The following ANKRD1 variants were observed in gnomAD, a reference collection of about 807,000 sequenced individuals.
ANKRD1 encodes the protein ankyrin repeat domain 1.
ANKRD1 carries 32 observed loss-of-function variants against 40.1 expected under a neutral mutation model. That is an observed-to-expected ratio of 0.80 (90% CI 0.60 to 1.07). ANKRD1 has a LOEUF of 1.07. Among genes scored for constraint, ANKRD1 ranks in the 50% least tolerant of loss-of-function variants. ANKRD1 has a pLI of 0.00. For synonymous variants in ANKRD1, 149 were observed against 141.2 expected, an observed-to-expected ratio of 1.06 and a Z score of -0.39; for missense variants, 359 against 386.0, an observed-to-expected ratio of 0.93 and a Z score of 0.59.
intron 2 of ANKRD1, 126 bp downstream of exon 2, chr10:90,920,043 C>T (rs922400938): frequency 3.9e-5 from 53 of 1,360,690 alleles, no homozygotes; most frequent in Non-Finnish European, 4.7e-5. Context: ...TGCCTCTTTA[C>T]GGGTTAGAAT....
intron 8 of ANKRD1, among the ~76,000 whole-genome samples, chr10:90,914,922 A>G (rs1420641254): frequency 6.6e-6 from 1 of 152,230 alleles, no homozygotes; most frequent in Non-Finnish European, 1.5e-5. Flanking sequence ...TACTTATACA[A>G]GAATTTTCAG....
chr10:90,916,088 G>T, intron 6 of ANKRD1, 83 bp downstream of exon 6: 2 of 726,766 alleles, frequency 2.8e-6, no homozygotes, highest in Admixed American at 2.4e-5. Context: ...GGAGGGGGAG[G>T]GGGAAGAGTG....
intron 6 of ANKRD1, 82 bp downstream of exon 6, chr10:90,916,089 G>T: frequency 1.4e-6 from 1 of 716,002 alleles, no homozygotes; most frequent in South Asian, 1.5e-5. Flanking sequence ...GAGGGGGAGG[G>T]GGAAGAGTGG....
chr10:90,918,924 T>C lies in ANKRD1; in HGVS notation c.394A>G (p.Lys132Glu). The change falls in exon 4 of 9, where the codon AAA (lysine) becomes GAA (glutamate). Residue 132 changes from lysine (K) to glutamate (E), a missense_variant. Physicochemically the swap from Lys to Glu is moderately conservative, Grantham distance 56. Coordinates refer to ENST00000371697, the MANE Select transcript of ANKRD1 (RefSeq NM_014391.3). ...AAGAATTTTTCTACTACTGGCAGTTTATTCTCCAGAGCAGCCTTCAGAAAC... is the reference window on the plus strand; with the variant it reads ...AAGAATTTTTCTACTACTGGCAGTTCATTCTCCAGAGCAGCCTTCAGAAAC... Reference protein sequence around the residue: ...PTFLKAALENKLPVVEKFLSD... With the variant: ...PTFLKAALENELPVVEKFLSD... The C allele has an allele frequency of 6.2e-7, 1 of 1,611,474 alleles. No homozygotes were observed. The highest frequency in any genetic ancestry group is 8.5e-7 in the Non-Finnish European group (1 of 1,179,578).
chr10:90,918,291 A>G (rs189452889), intron 4 of ANKRD1, among the ~76,000 whole-genome samples: 1 of 152,324 alleles, frequency 6.6e-6, no homozygotes, highest in East Asian at 1.9e-4. Context: ...CATGGGGGAA[A>G]GAATACAAAA....
In ANKRD1 at chr10:90,915,894, A is replaced by C. The variant is rs764243789; in HGVS notation, c.652-14T>G. The C allele has an allele frequency of 6.4e-7, 1 of 1,563,456 alleles. No individual in the cohort carries two copies. Among genetic ancestry groups the C allele is most frequent in the Non-Finnish European group, 8.6e-7 (1 of 1,158,948 alleles). ...TGTGCTGAGCAACTGGAAAATTGGA[A>C]AACGCTGCTGATTCGCTAGGAATGA... On this transcript the variant is annotated splice_polypyrimidine_tract_variant and intron_variant, in intron 6 of 8. Coordinates refer to ENST00000371697, the MANE Select transcript of ANKRD1 (RefSeq NM_014391.3).
chr10:90,918,889 C>G lies in ANKRD1; in HGVS notation c.429G>C (p.Lys143Asn). 1 of 1,612,060 alleles carries G rather than the reference C, an allele frequency of 6.2e-7. No individual in the cohort carries two copies. The highest frequency in any genetic ancestry group is 8.5e-7 in the Non-Finnish European group (1 of 1,179,564). The stretch of plus-strand genomic sequence containing the variant: ...CCTCATCACAAACATCTGGATTGTT[C>G]TTGTCTGACAAGAATTTTTCTACTA... ...LPVVEKFLSDKNNPDVCDEYK... is the reference protein window; with the variant it reads ...LPVVEKFLSDNNNPDVCDEYK... Residue 143 changes from lysine (K) to asparagine (N), a missense_variant, in exon 4 of 9, where the codon AAG becomes AAC. Lys to Asn is a moderately conservative substitution (Grantham distance 94, BLOSUM62 0). Coordinates refer to ENST00000371697, the MANE Select transcript of ANKRD1 (RefSeq NM_014391.3).
At chr10:90,916,363 G>A in intron 5 of ANKRD1, 94 bp from the exon 6 acceptor site, 1 of 895,918 alleles carries the variant, frequency 1.1e-6, no homozygotes. Context: ...ATAATGAGTT[G>A]TCCCCATCTA....
In ANKRD1 at chr10:90,920,992, C is replaced by T. The variant is rs1289838055; in HGVS notation, c.27+9G>A. On this transcript the variant is annotated intron_variant, in intron 1 of 8. Transcript: ENST00000371697. ...TTTTCATTTTATAAAATTAATGCAT[C>T]TTACATACCAGTTCCTCTACTTTCA... 1 of 1,613,334 alleles carries T rather than the reference C, an allele frequency of 6.2e-7. No homozygotes were observed. The highest frequency in any genetic ancestry group is 2.2e-5 in the East Asian group (1 of 44,876).
At chr10:90,915,670 G>A (rs755557528) in intron 7 of ANKRD1, 29 bp from the exon 8 acceptor site, 28 of 1,610,580 alleles carry the variant, frequency 1.7e-5, no homozygotes, top group Non-Finnish European at 2.4e-5. Flanking sequence ...CAGGTTCAAG[G>A]TGGGTCTGAG....
At chr10:90,920,089 C>A in intron 2 of ANKRD1, 80 bp downstream of exon 2, 1 of 1,538,346 alleles carries the variant, frequency 6.5e-7, no homozygotes, top group Non-Finnish European at 9.0e-7. Context: ...GGGTTTGTTT[C>A]TCTCTTCTCC....
chr10:90,917,171 A>G (rs895338396), intron 5 of ANKRD1, among the ~76,000 whole-genome samples: 1 of 152,212 alleles, frequency 6.6e-6, no homozygotes, highest in African/African-American at 2.4e-5. Flanking sequence ...TTAAATACAT[A>G]AAGAATTTTC....
chr10:90,912,632 G>A lies in ANKRD1; in HGVS notation c.*234C>T. ...ACCAGATGGATGATCATGAAGGTCT[G>A]AATATCAGTAGCGTGGCAGTAAATA... On this transcript the variant is annotated 3_prime_UTR_variant, in exon 9 of 9. Coordinates refer to ENST00000371697, the MANE Select transcript of ANKRD1 (RefSeq NM_014391.3). 1 of 454,774 alleles carries A rather than the reference G, an allele frequency of 2.2e-6. No homozygotes were observed. Among genetic ancestry groups the A allele is most frequent in the Non-Finnish European group, 4.1e-6 (1 of 246,830 alleles). The allele number at this position is 454,774 out of a possible 1,614,324, so 28.2% of individuals were successfully genotyped here. A position where few individuals can be genotyped will look rare whatever the true frequency, so the allele number is the denominator to read the frequency against.
At chr10:90,920,638 C>A (rs1353552594) in intron 1 of ANKRD1, among the ~76,000 whole-genome samples, 2 of 152,194 alleles carry the variant, frequency 1.3e-5, no homozygotes, top group Non-Finnish European at 2.9e-5. Context: ...AAAACCTTCT[C>A]TGCTTAATTA....
In ANKRD1 at chr10:90,918,980, CAA is replaced by C. The variant is rs1491333373; in HGVS notation, c.346-10_346-9del. 55 of 1,304,944 alleles carry C rather than the reference CAA, an allele frequency of 4.2e-5. No individual in the cohort carries two copies. The highest frequency in any genetic ancestry group is 3.9e-4 in the Middle Eastern group (2 of 5,138). The allele number at this position is 1,304,944 out of a possible 1,614,324, so 80.8% of individuals were successfully genotyped here. ...CACATCCACAGGTTCCGTCTAAAGC[CAA>C]AATAAATAAATATATATATATATAT... On this transcript the variant is annotated splice_polypyrimidine_tract_variant and intron_variant, in intron 3 of 8. Coordinates refer to ENST00000371697, the MANE Select transcript of ANKRD1 (RefSeq NM_014391.3).
chr10:90,916,484 A>G (rs1048724408), intron 5 of ANKRD1, among the ~76,000 whole-genome samples: 1 of 152,110 alleles, frequency 6.6e-6, no homozygotes, highest in African/African-American at 2.4e-5. Flanking sequence ...CTCTTAATAA[A>G]TCTAATAATG....
At position 90,920,201 on chromosome 10, in the gene ANKRD1, G is replaced by C. The variant is rs1057521825; in HGVS notation, c.175C>G (p.Gln59Glu). 3.1e-6 allele frequency: 5 copies of C among 1,613,832 alleles called. No individual in the cohort carries two copies. The African/African-American group carries it at 6.7e-5, about 22-fold the overall frequency. Residue 59 changes from glutamine to glutamate, a missense_variant, in exon 2 of 9, where the codon CAG (glutamine) becomes GAG (glutamate). Gln to Glu is a conservative substitution (Grantham distance 29). Coordinates refer to ENST00000371697, the MANE Select transcript of ANKRD1 (RefSeq NM_014391.3). Reference sequence around the variant, plus strand: ...TCTCGTTGTTTCTCGCTTTTCCACTGTTGCTCCCCCAGGGTCACAGGGTGG... The same window carrying C: ...TCTCGTTGTTTCTCGCTTTTCCACTCTTGCTCCCCCAGGGTCACAGGGTGG... The part of the protein sequence containing the change: ...LAHPVTLGEQ[Q>E]WKSEKQREAE...
chr10:90,918,981 AAAATAAATAAAT>A lies in ANKRD1; in HGVS notation c.346-21_346-10del. 2 of 1,310,976 alleles carry A rather than the reference AAAATAAATAAAT, an allele frequency of 1.5e-6. No homozygotes were observed. The highest frequency in any genetic ancestry group is 2.2e-5 in the African/African-American group (1 of 45,364). The allele number at this position is 1,310,976 out of a possible 1,614,324, so 81.2% of individuals were successfully genotyped here. ...ACATCCACAGGTTCCGTCTAAAGCCAAAATAAATAAATATATATATATATATATATATATAGC... is the reference window on the plus strand; with the variant it reads ...ACATCCACAGGTTCCGTCTAAAGCCAATATATATATATATATATATATAGC... On this transcript the variant is annotated splice_polypyrimidine_tract_variant and intron_variant, in intron 3 of 8. Transcript: ENST00000371697.
intron 5 of ANKRD1, 30 bp downstream of exon 5, chr10:90,917,702 G>A: frequency 1.3e-6 from 2 of 1,584,754 alleles, no homozygotes; most frequent in Non-Finnish European, 1.7e-6. Context: ...ACTTCTTTTG[G>A]CTCATTCCCA....
Sources: allele counts gnomAD v4.1 joint callset (sites outside exome capture counted in the v4.1 genomes callset), GRCh38; gene constraint gnomAD v4.1.1; transcripts MANE v1.5; gene names NCBI Gene and HGNC (gene_info 2026-07-23, HGNC 2026-07-21).